RANBP2: variants seen among roughly 807,000 people sequenced by gnomAD.
The protein encoded by RANBP2 is RAN binding protein 2, also known as E3 SUMO-protein ligase RanBP2.
In RANBP2, 57 loss-of-function variants were observed where a neutral mutation model predicts 303.6. The ratio of observed to expected loss-of-function variants is 0.19; its 90% confidence interval spans 0.15 to 0.23. The LOEUF is 0.23. RANBP2 is among the 10% of genes least tolerant of loss of function. RANBP2 has a pLI of 1.00. For synonymous variants in RANBP2, 1,167 were observed against 1,301.5 expected, an observed-to-expected ratio of 0.90 and a Z score of 2.23; for missense variants, 3,138 against 3,780.8, an observed-to-expected ratio of 0.83 and a Z score of 4.46.
At chr2:108,977,622 G>A in the RANBP2 span, among the ~76,000 whole-genome samples, 9 of 152,224 alleles carry the variant, frequency 5.9e-5, no homozygotes, top group East Asian at 1.7e-3. Flanking sequence ...TCCTTGGAGT[G>A]AGGAGGGACT....
the RANBP2 span, among the ~76,000 whole-genome samples, chr2:109,130,905 T>C: frequency 1.3e-5 from 2 of 152,198 alleles, no homozygotes; most frequent in African/African-American, 4.8e-5. Context: ...CCTTGCCACC[T>C]TGTGAACAGT....
the RANBP2 span, among the ~76,000 whole-genome samples, chr2:109,148,260 G>A: frequency 0.034 from 5,155 of 152,280 alleles, 275 homozygotes; most frequent in African/African-American, 0.12. Flanking sequence ...TGTGAGATGG[G>A]CCCCGATCAT....
At chr2:108,786,983 C>A, downstream of RANBP2, 1 of 1,121,734 alleles carries the variant, frequency 8.9e-7, no homozygotes, top group Non-Finnish European at 1.2e-6. Flanking sequence ...CCGTGCCCCG[C>A]GCAGCCGGCC....
the RANBP2 span, among the ~76,000 whole-genome samples, chr2:109,225,398 G>A: frequency 6.6e-4 from 100 of 152,268 alleles, 1 homozygote; most frequent in South Asian, 0.02. Flanking sequence ...ACAGGGACCC[G>A]AAATCTGCAC....
the RANBP2 span, among the ~76,000 whole-genome samples, chr2:108,881,531 G>A: frequency 6.4e-4 from 98 of 152,256 alleles, no homozygotes; most frequent in African/African-American, 1.4e-3. Flanking sequence ...TCACAACTTC[G>A]TAGTTTGGCA....
chr2:108,780,835 G>A (rs780497626), intron 25 of RANBP2, among the ~76,000 whole-genome samples: 15 of 151,904 alleles, frequency 9.9e-5, no homozygotes, highest in South Asian at 2.1e-4. Flanking sequence ...CCAGCCTCCC[G>A]AGTAGCTGGG....
the RANBP2 span, among the ~76,000 whole-genome samples, chr2:109,728,522 C>T: frequency 6.6e-6 from 1 of 151,496 alleles, no homozygotes; most frequent in African/African-American, 2.4e-5. Flanking sequence ...GTGGCACGAT[C>T]TTGGCTCACA....
chr2:108,772,905 A>G lies in RANBP2; in HGVS notation c.8151A>G (p.Lys2717=), dbSNP rs780014920. 1 of 1,614,044 alleles carries G rather than the reference A, an allele frequency of 6.2e-7. No individual in the cohort carries two copies. The highest frequency in any genetic ancestry group is 8.5e-7 in the Non-Finnish European group (1 of 1,179,976). ...EKECIIVWEK[K]PTVEEKAKAD... ...AATGTATTATTGTTTGGGAAAAGAA[A>G]CCAACAGTTGAAGAGAAGGCAAAAG... is the stretch of plus-strand genomic sequence containing the variant. The change falls in exon 23 of 29, where the codon AAA becomes AAG. Residue 2717 remains lysine (K), a synonymous_variant. Transcript: ENST00000283195.
the RANBP2 span, among the ~76,000 whole-genome samples, chr2:109,217,864 A>G: frequency 4.6e-5 from 7 of 152,218 alleles, no homozygotes; most frequent in African/African-American, 1.7e-4. Flanking sequence ...TCTCCCCCAT[A>G]CAGGGGATCT....
chr2:109,441,474 TATAGTA>T, the RANBP2 span, among the ~76,000 whole-genome samples: 1 of 151,936 alleles, frequency 6.6e-6, no homozygotes, highest in Non-Finnish European at 1.5e-5. Flanking sequence ...AACTTGAAGA[TATAGTA>T]ATAGAAGCCG....
chr2:109,443,183 A>G, the RANBP2 span, among the ~76,000 whole-genome samples: 6 of 152,232 alleles, frequency 3.9e-5, no homozygotes, highest in Non-Finnish European at 1.5e-5. Flanking sequence ...ATCTTATTCT[A>G]GTAGATTCTA....
intron 12 of RANBP2, among the ~76,000 whole-genome samples, chr2:108,752,397 G>C (rs918939713): frequency 6.6e-6 from 1 of 151,898 alleles, no homozygotes; most frequent in African/African-American, 2.4e-5. Context: ...GAAGAGGCAG[G>C]TTTCAGCTAT....
the RANBP2 span, among the ~76,000 whole-genome samples, chr2:108,869,618 A>G: frequency 2.0e-5 from 3 of 152,172 alleles, no homozygotes; most frequent in African/African-American, 7.2e-5. Flanking sequence ...TACAAGATCT[A>G]AGGCCTTCAG....
At chr2:109,554,512 T>C in the RANBP2 span, among the ~76,000 whole-genome samples, 2 of 152,064 alleles carry the variant, frequency 1.3e-5, no homozygotes, top group Non-Finnish European at 1.5e-5. Flanking sequence ...CAGGGCACAC[T>C]CACACCACCC....
At chr2:108,974,068 G>A in the RANBP2 span, among the ~76,000 whole-genome samples, 3 of 151,926 alleles carry the variant, frequency 2.0e-5, no homozygotes, top group Non-Finnish European at 2.9e-5. Context: ...GGTGGCTCAC[G>A]CCTGTAATCC....
the RANBP2 span, chr2:109,128,014 T>C: frequency 1.3e-5 from 2 of 152,418 alleles, no homozygotes; most frequent in Admixed American, 6.5e-5. Context: ...AAGGACAGGC[T>C]GGCCGATAGG....
the RANBP2 span, among the ~76,000 whole-genome samples, chr2:109,264,370 G>A: frequency 2.7e-5 from 4 of 149,134 alleles, no homozygotes; most frequent in African/African-American, 7.5e-5. Context: ...GGTGCTCCCC[G>A]TCCACCTCCC....
chr2:108,763,110 A>G (rs1676852938), intron 19 of RANBP2, 127 bp from the exon 20 acceptor site: 3 of 1,118,392 alleles, frequency 2.7e-6, no homozygotes, highest in Non-Finnish European at 2.6e-6. Context: ...AATGATGTGT[A>G]CTACATCCCC....
At chr2:109,299,562 G>A in the RANBP2 span, among the ~76,000 whole-genome samples, 1 of 152,140 alleles carries the variant, frequency 6.6e-6, no homozygotes, top group South Asian at 2.1e-4. Flanking sequence ...GAGTCACCAA[G>A]CATCATCATG....
Sources: gnomAD v4.1 joint callset for allele counts (sites outside exome capture counted in the v4.1 genomes callset) on GRCh38, gnomAD v4.1.1 for gene constraint, MANE v1.5 for transcripts, NCBI Gene and HGNC (gene_info 2026-07-23, HGNC 2026-07-21) for gene names.